The following BCKDHB variants were observed in gnomAD, a reference collection of about 807,000 sequenced individuals.
BCKDHB encodes the protein 2-oxoisovalerate dehydrogenase subunit beta, mitochondrial.
BCKDHB carries 41 observed loss-of-function variants against 48.5 expected under a neutral mutation model. That is an observed-to-expected ratio of 0.85 (90% CI 0.66 to 1.10). The LOEUF (loss-of-function observed/expected upper bound fraction) is 1.10. Ranked by LOEUF, BCKDHB falls within the 50% of genes least tolerant of loss-of-function variation. The probability of loss-of-function intolerance (pLI) is 0.00; values close to 1 mark genes in which losing one functional copy is unlikely to be tolerated. For missense variants in BCKDHB, 496 were observed against 494.2 expected (o/e 1.00, Z -0.03); for synonymous variants, 201 against 174.8 (o/e 1.15, Z -1.18).
At chr6:80,180,239 TAGA>T (rs1773348578) in intron 6 of BCKDHB, among the ~76,000 whole-genome samples, 1 of 152,228 alleles carries the variant, frequency 6.6e-6, no homozygotes, top group Middle Eastern at 3.2e-3. Flanking sequence ...TTCCTGAACA[TAGA>T]AGGAGAAAGT....
At chr6:80,450,430 T>A in the BCKDHB span, among the ~76,000 whole-genome samples, 1 of 152,062 alleles carries the variant, frequency 6.6e-6, no homozygotes, top group Non-Finnish European at 1.5e-5. Flanking sequence ...CCTAGCACCA[T>A]TACCCACCAG....
intron 9 of BCKDHB, among the ~76,000 whole-genome samples, chr6:80,310,250 C>T (rs1358650479): frequency 6.6e-6 from 1 of 152,160 alleles, no homozygotes; most frequent in Non-Finnish European, 1.5e-5. Context: ...GCTCTTCCTC[C>T]TCCAACCCAA....
At chr6:80,426,158 T>C in the BCKDHB span, among the ~76,000 whole-genome samples, 3 of 152,310 alleles carry the variant, frequency 2.0e-5, no homozygotes, top group East Asian at 1.9e-4. Flanking sequence ...CTAGTAAGAA[T>C]GTTGTCTCCC....
the BCKDHB span, among the ~76,000 whole-genome samples, chr6:80,410,568 CT>C: frequency 2.0e-5 from 3 of 152,182 alleles, no homozygotes. Flanking sequence ...CTCCCTGTCA[CT>C]TTCAGGTACA....
intron 3 of BCKDHB, among the ~76,000 whole-genome samples, chr6:80,163,197 G>A (rs762740511): frequency 3.3e-5 from 5 of 151,916 alleles, no homozygotes; most frequent in African/African-American, 4.8e-5. Context: ...GAGCCATAGC[G>A]CCTGGCTTCT....
chr6:80,412,146 A>T, the BCKDHB span, among the ~76,000 whole-genome samples: 357 of 137,100 alleles, frequency 2.6e-3, 2 homozygotes, highest in Non-Finnish European at 3.3e-3. Context: ...CACAGTTTAC[A>T]TTTTTTTTTT....
chr6:80,148,948 C>G (rs1771621814), intron 3 of BCKDHB, among the ~76,000 whole-genome samples: 1 of 152,064 alleles, frequency 6.6e-6, no homozygotes. Flanking sequence ...TCAATGGCAA[C>G]AAAAAACCAA....
chr6:80,362,575 G>A, the BCKDHB span, among the ~76,000 whole-genome samples: 1 of 152,130 alleles, frequency 6.6e-6, no homozygotes, highest in Non-Finnish European at 1.5e-5. Context: ...ATGGTCATAG[G>A]ATCCGCAAAG....
intron 3 of BCKDHB, among the ~76,000 whole-genome samples, chr6:80,131,652 T>A (rs1469886906): frequency 3.3e-5 from 5 of 152,120 alleles, no homozygotes; most frequent in Non-Finnish European, 4.4e-5. Flanking sequence ...AATACTTTTT[T>A]TTTTTTTTGA....
intron 8 of BCKDHB, among the ~76,000 whole-genome samples, chr6:80,227,213 G>C (rs1485034197): frequency 2.0e-5 from 3 of 152,158 alleles, no homozygotes; most frequent in Non-Finnish European, 2.9e-5. Flanking sequence ...CTAATTTGTA[G>C]AAGTTATTTC....
At chr6:80,127,431 G>A (rs1267786362) in intron 1 of BCKDHB, 116 bp from the exon 2 acceptor site, 12 of 842,080 alleles carry the variant, frequency 1.4e-5, no homozygotes, top group African/African-American at 1.7e-5. Context: ...TCAGCAATTT[G>A]CATAATATCT....
the BCKDHB span, among the ~76,000 whole-genome samples, chr6:80,396,055 A>G: frequency 6.6e-6 from 1 of 152,250 alleles, no homozygotes; most frequent in African/African-American, 2.4e-5. Flanking sequence ...CTGTAGAGGC[A>G]GAGCCCTCAT....
rs188817005 is a variant in BCKDHB, at chr6:80,155,965, G to A, written c.344-11713G>A. On this transcript the variant is annotated intron_variant, in intron 3 of 9. Coordinates refer to ENST00000320393, the MANE Select transcript of BCKDHB (RefSeq NM_183050.4). ...TTTTAAACATTTGCCACAGCTCCAT[G>A]GATAGTTTGTTTTAAAAAATACTTT... 3.1e-3 allele frequency among the ~76,000 whole-genome samples: 464 copies of A among 151,052 alleles called. 4 individuals are homozygous for A. The highest frequency in any genetic ancestry group is 0.01 in the African/African-American group (425 of 41,226).
the BCKDHB span, among the ~76,000 whole-genome samples, chr6:80,459,938 C>A: frequency 6.6e-6 from 1 of 152,048 alleles, no homozygotes; most frequent in Non-Finnish European, 1.5e-5. Context: ...AGATAAAGAT[C>A]ATCTACTGTC....
At chr6:80,107,330 T>TTATATATATTATATATAAAA (rs1769134416) in intron 1 of BCKDHB, among the ~76,000 whole-genome samples, 1 of 145,960 alleles carries the variant, frequency 6.9e-6, no homozygotes, top group African/African-American at 2.5e-5. Context: ...TAAATGTATA[T>TTATATATATTATATATAAAA]TATATATATT....
At chr6:80,185,498 G>GT (rs1773601935) in intron 6 of BCKDHB, among the ~76,000 whole-genome samples, 1 of 151,928 alleles carries the variant, frequency 6.6e-6, no homozygotes, top group Non-Finnish European at 1.5e-5. Flanking sequence ...ACAGAACCTT[G>GT]TTTTGCCATA....
chr6:80,131,829 G>C (rs1466667856), intron 3 of BCKDHB, among the ~76,000 whole-genome samples: 8 of 151,750 alleles, frequency 5.3e-5, no homozygotes, highest in African/African-American at 1.9e-4. Context: ...TTTTAGTAGA[G>C]ATGGAATTTC....
At chr6:80,131,780 C>T (rs1198150283) in intron 3 of BCKDHB, among the ~76,000 whole-genome samples, 1 of 151,866 alleles carries the variant, frequency 6.6e-6, no homozygotes, top group Non-Finnish European at 1.5e-5. Flanking sequence ...GTAGCTGGGA[C>T]TACAGCCGCA....
Position 80,117,424 on chromosome 6 carries a change from A to G in BCKDHB, c.197-10123A>G, listed in dbSNP as rs547987997. Among the ~76,000 whole-genome samples, 6 of 152,368 alleles carry G rather than the reference A, an allele frequency of 3.9e-5. No homozygotes were observed. The East Asian group carries it at 9.6e-4, about 24-fold the overall frequency. On this transcript the variant is annotated intron_variant, in intron 1 of 9. Coordinates refer to ENST00000320393, the MANE Select transcript of BCKDHB (RefSeq NM_183050.4). ...TCATTCAGTATTAATCTGAATGTTC[A>G]GCAGACTTGAAATAAATAGCAACTT...
Sources: allele counts gnomAD v4.1 joint callset (sites outside exome capture counted in the v4.1 genomes callset), GRCh38; gene constraint gnomAD v4.1.1; transcripts MANE v1.5; gene names NCBI Gene and HGNC (gene_info 2026-07-23, HGNC 2026-07-21).